The following PRKG1 variants were observed in gnomAD, a reference collection of about 807,000 sequenced individuals.
PRKG1 encodes the protein protein kinase cGMP-dependent 1.
In PRKG1, 35 loss-of-function variants were observed where a neutral mutation model predicts 88.1. That is an observed-to-expected ratio of 0.40 (90% confidence interval 0.30 to 0.53). The LOEUF (loss-of-function observed/expected upper bound fraction) is 0.53, where lower values mean the gene tolerates loss of function less well. Ranked by LOEUF, PRKG1 falls within the 20% of genes least tolerant of loss-of-function variation. The probability of loss-of-function intolerance (pLI) is 0.59; values close to 1 mark genes in which losing one functional copy is unlikely to be tolerated. For missense variants in PRKG1, 540 were observed against 839.8 expected, an observed-to-expected ratio of 0.64 and a Z score of 4.41; for synonymous variants, 303 against 292.5, an observed-to-expected ratio of 1.04 and a Z score of -0.37.
chr10:52,004,301 A>AGAAG (rs1844674817), intron 5 of PRKG1, among the ~76,000 whole-genome samples: 1 of 152,250 alleles, frequency 6.6e-6, no homozygotes, highest in African/African-American at 2.4e-5. Flanking sequence ...ATTAGAAGAA[A>AGAAG]GAAGGAAGGC....
chr10:51,542,456 T>A (rs1468207491), intron 3 of PRKG1, among the ~76,000 whole-genome samples: 3 of 152,174 alleles, frequency 2.0e-5, no homozygotes, highest in Admixed American at 2.0e-4. Context: ...TGAGTAGGAA[T>A]GCTGGGGTAT....
At chr10:52,042,929 A>G (rs1026584783) in intron 5 of PRKG1, among the ~76,000 whole-genome samples, 6 of 152,192 alleles carry the variant, frequency 3.9e-5, no homozygotes, top group African/African-American at 1.4e-4. Context: ...CTAAATAGTC[A>G]TTTCTCAAAG....
chr10:51,848,199 T>A lies in PRKG1; in HGVS notation c.698+43509T>A, dbSNP rs571416110. Among the ~76,000 whole-genome samples the A allele has an allele frequency of 8.5e-5, 13 of 152,322 alleles. No individual in the cohort carries two copies. In the East Asian group the frequency reaches 2.1e-3, roughly 25 times the overall value. ...TGTTAATTACAACAGGTATTGCAAG[T>A]TGGATATTTTTATTCTTTTTTGCTA... On this transcript the variant is annotated intron_variant, in intron 4 of 17. Transcript: ENST00000373980.
intron 3 of PRKG1, among the ~76,000 whole-genome samples, chr10:51,745,158 C>T (rs554836034): frequency 1.3e-5 from 2 of 152,202 alleles, no homozygotes; most frequent in Non-Finnish European, 2.9e-5. Context: ...CATCTTTATC[C>T]TACCATCACC....
chr10:51,840,521 A>T (rs1332608531), intron 4 of PRKG1, among the ~76,000 whole-genome samples: 14 of 46,878 alleles, frequency 3.0e-4, no homozygotes, highest in Admixed American at 1.7e-3. Context: ...CCTCTATTTT[A>T]TTTATTTATT....
chr10:51,988,842 C>T (rs1844229790), intron 5 of PRKG1, among the ~76,000 whole-genome samples: 1 of 151,830 alleles, frequency 6.6e-6, no homozygotes, highest in South Asian at 2.1e-4. Flanking sequence ...TCTTTGCTTT[C>T]TATAGAAGTT....
chr10:51,995,490 A>G (rs1355686603), intron 5 of PRKG1, among the ~76,000 whole-genome samples: 2 of 152,250 alleles, frequency 1.3e-5, no homozygotes, highest in Non-Finnish European at 2.9e-5. Flanking sequence ...AATTCGTTAA[A>G]TAGCGTTAAA....
At chr10:51,464,224 T>A (rs1435158220) in intron 2 of PRKG1, among the ~76,000 whole-genome samples, 1 of 151,698 alleles carries the variant, frequency 6.6e-6, no homozygotes, top group Non-Finnish European at 1.5e-5. Context: ...GGAGGCAGAG[T>A]TTGCCGTGAG....
chr10:51,869,387 G>T (rs1564685014), intron 4 of PRKG1, among the ~76,000 whole-genome samples: 1 of 148,206 alleles, frequency 6.7e-6, no homozygotes, highest in African/African-American at 2.5e-5. Context: ...TATAACTGCT[G>T]TTTTTTTTTT....
chr10:52,292,076 T>G (rs1275887289), intron 17 of PRKG1, among the ~76,000 whole-genome samples: 2 of 152,218 alleles, frequency 1.3e-5, no homozygotes, highest in Non-Finnish European at 2.9e-5. Context: ...GAAGTGTCGG[T>G]TCATGTCCTT....
chr10:51,152,907 T>TGTTG (rs1846109575), intron 1 of PRKG1, among the ~76,000 whole-genome samples: 2 of 151,946 alleles, frequency 1.3e-5, no homozygotes, highest in South Asian at 2.1e-4. Flanking sequence ...TGTATGATTT[T>TGTTG]GTTGGTTGGT....
At chr10:51,751,180 A>T (rs1837715456) in intron 3 of PRKG1, among the ~76,000 whole-genome samples, 1 of 152,110 alleles carries the variant, frequency 6.6e-6, no homozygotes, top group African/African-American at 2.4e-5. Context: ...GGCCCCTCAG[A>T]TGTAGGATTG....
intron 2 of PRKG1, among the ~76,000 whole-genome samples, chr10:51,224,054 T>TAG (rs1039504587): frequency 6.6e-6 from 1 of 152,124 alleles, no homozygotes; most frequent in Non-Finnish European, 1.5e-5. Context: ...TAGACCAGAA[T>TAG]AGAGAGGAAC....
At chr10:52,090,237 G>A (rs894397526) in intron 7 of PRKG1, among the ~76,000 whole-genome samples, 1 of 151,972 alleles carries the variant, frequency 6.6e-6, no homozygotes, top group African/African-American at 2.4e-5. Flanking sequence ...GTGCTAGAAA[G>A]GAAGGAATGA....
chr10:52,282,936 T>C (rs1842032031), intron 14 of PRKG1, among the ~76,000 whole-genome samples: 1 of 152,062 alleles, frequency 6.6e-6, no homozygotes, highest in African/African-American at 2.4e-5. Flanking sequence ...TTTTGAAGAA[T>C]GAATATAAGG....
chr10:51,984,516 G>C (rs1844099056), intron 5 of PRKG1, among the ~76,000 whole-genome samples: 1 of 152,162 alleles, frequency 6.6e-6, no homozygotes, highest in Non-Finnish European at 1.5e-5. Flanking sequence ...GCTCAATTGT[G>C]CTTGTGTTAT....
At chr10:51,722,413 A>G (rs1056885465) in intron 3 of PRKG1, among the ~76,000 whole-genome samples, 1 of 151,980 alleles carries the variant, frequency 6.6e-6, no homozygotes, top group Non-Finnish European at 1.5e-5. Flanking sequence ...ATTCCTGTCC[A>G]CAAGGAACTT....
At chr10:51,160,850 C>CTTTATG (rs1454374911) in intron 2 of PRKG1, among the ~76,000 whole-genome samples, 1 of 151,042 alleles carries the variant, frequency 6.6e-6, no homozygotes, top group African/African-American at 2.4e-5. Flanking sequence ...TTAAAGAAAT[C>CTTTATG]CTCTTAACCA....
chr10:51,987,615 G>T (rs1844196584), intron 5 of PRKG1, among the ~76,000 whole-genome samples: 1 of 152,158 alleles, frequency 6.6e-6, no homozygotes, highest in African/African-American at 2.4e-5. Context: ...GTTTCACACT[G>T]TAAAAAAATG....
Sources: gnomAD v4.1 joint callset for allele counts (sites outside exome capture counted in the v4.1 genomes callset) on GRCh38, gnomAD v4.1.1 for gene constraint, MANE v1.5 for transcripts, NCBI Gene and HGNC (gene_info 2026-07-23, HGNC 2026-07-21) for gene names.